WDR70: variants seen among roughly 807,000 people sequenced by gnomAD.
WDR70 encodes the protein WD repeat domain 70, also known as WD repeat-containing protein 70.
A neutral mutation model predicts 88.6 loss-of-function variants in WDR70; 53 were observed. The observed-to-expected ratio is 0.60, with a 90% CI of 0.48 to 0.75. WDR70 has a LOEUF of 0.75. WDR70 is among the 30% of genes least tolerant of loss of function. WDR70 has a pLI of 0.00. For missense variants in WDR70, 610 were observed against 823.2 expected (o/e 0.74, Z 3.17); for synonymous variants, 280 against 270.0 (o/e 1.04, Z -0.36).
chr5:37,506,537 T>G, intron 8 of WDR70: 1 of 771,398 alleles, frequency 1.3e-6, no homozygotes, highest in Non-Finnish European at 2.4e-6. Context: ...CTTTATTCGC[T>G]AAAGTGCTCC....
chr5:37,472,417 T>C (rs1362980974), intron 7 of WDR70, among the ~76,000 whole-genome samples: 1 of 152,076 alleles, frequency 6.6e-6, no homozygotes, highest in African/African-American at 2.4e-5. Context: ...CTCAATAAAA[T>C]GTTTATGACA....
chr5:37,584,417 T>C (rs898116049), intron 9 of WDR70, among the ~76,000 whole-genome samples: 2 of 152,240 alleles, frequency 1.3e-5, no homozygotes, highest in Non-Finnish European at 2.9e-5. Context: ...TCTAAAGTAA[T>C]ATTGACTTCA....
intron 14 of WDR70, chr5:37,721,905 A>G (rs1356677393): frequency 2.0e-5 from 3 of 152,174 alleles, no homozygotes; most frequent in Non-Finnish European, 2.9e-5. Flanking sequence ...TTGGTTAACT[A>G]GCATTAAAAT....
rs1287691337 is a variant in WDR70 at position 37,743,037 on chromosome 5, G to A, written c.1878-9449G>A. Reference sequence around the variant, plus strand: ...GCCAAGATGGCCAATTCAAAGCAGCGGTGTTCAGAGGCTCCCATTGGAAAA... The same window carrying A: ...GCCAAGATGGCCAATTCAAAGCAGCAGTGTTCAGAGGCTCCCATTGGAAAA... On this transcript the variant is annotated intron_variant, in intron 17 of 17. Coordinates refer to ENST00000265107, the MANE Select transcript of WDR70 (RefSeq NM_018034.4). 3.3e-5 allele frequency among the ~76,000 whole-genome samples: 5 copies of A among 152,324 alleles called. No individual in the cohort carries two copies. The East Asian group carries it at 5.8e-4, about 18-fold the overall frequency.
intron 9 of WDR70, among the ~76,000 whole-genome samples, chr5:37,564,230 G>C (rs1742660435): frequency 6.6e-6 from 1 of 151,986 alleles, no homozygotes; most frequent in Admixed American, 6.5e-5. Flanking sequence ...CTCCAGCCTG[G>C]GCACCATTGA....
At chr5:37,549,980 A>G (rs114646650) in intron 9 of WDR70, among the ~76,000 whole-genome samples, 1,907 of 151,872 alleles carry the variant, frequency 0.013, 43 homozygotes, top group African/African-American at 0.044. Context: ...TGGTGTCTCA[A>G]CTTCCCAAGT....
intron 9 of WDR70, among the ~76,000 whole-genome samples, chr5:37,518,843 C>T (rs867421643): frequency 6.6e-5 from 10 of 152,086 alleles, no homozygotes; most frequent in South Asian, 6.3e-4. Context: ...AGCCTTCCCA[C>T]GGTGTTTGTG....
chr5:37,408,361 C>T (rs1749419156), intron 5 of WDR70, among the ~76,000 whole-genome samples: 1 of 152,064 alleles, frequency 6.6e-6, no homozygotes, highest in Non-Finnish European at 1.5e-5. Flanking sequence ...GTAATCCCAG[C>T]TACTCAGGAG....
intron 8 of WDR70, among the ~76,000 whole-genome samples, chr5:37,495,632 A>G (rs1009134667): frequency 5.9e-5 from 9 of 152,188 alleles, no homozygotes; most frequent in African/African-American, 2.2e-4. Context: ...AAATAAAGGA[A>G]GAGATATTTT....
At chr5:37,731,946 G>A (rs1748157176) in intron 17 of WDR70, among the ~76,000 whole-genome samples, 1 of 151,556 alleles carries the variant, frequency 6.6e-6, no homozygotes, top group South Asian at 2.1e-4. Flanking sequence ...CAGACCAGGA[G>A]CCTGGCCTTA....
chr5:37,752,571 T>C lies in WDR70; in HGVS notation c.1963T>C (p.Ter655ArgextTer66). The part of the protein sequence containing the change: ...NEPEWKKRKI[*>R] ...GCCAGAATGGAAAAAACGTAAAATT[T>C]GAAGAATCTCATTTGAGAGCTGTTT... Residue 655 changes from the stop codon to arginine (R), a stop_lost, in exon 18 of 18, where the codon TGA becomes CGA. Transcript: ENST00000265107. 1 of 1,610,220 alleles carries C rather than the reference T, an allele frequency of 6.2e-7. No homozygotes were observed. The highest frequency in any genetic ancestry group is 8.5e-7 in the Non-Finnish European group (1 of 1,177,722).
chr5:37,471,985 G>A (rs1351340899), intron 7 of WDR70, among the ~76,000 whole-genome samples: 1 of 151,242 alleles, frequency 6.6e-6, no homozygotes, highest in Non-Finnish European at 1.5e-5. Flanking sequence ...AATGTCAGAG[G>A]GAAGGTTTTT....
At chr5:37,646,056 C>A (rs1745229085) in intron 10 of WDR70, among the ~76,000 whole-genome samples, 1 of 151,750 alleles carries the variant, frequency 6.6e-6, no homozygotes, top group Admixed American at 6.6e-5. Flanking sequence ...TTCCTTCTTT[C>A]TTTCTTTTAG....
In WDR70 at chr5:37,483,433, C is replaced by T. The variant is rs181699429; in HGVS notation, c.840+3446C>T. Among the ~76,000 whole-genome samples the T allele has an allele frequency of 1.4e-3, 219 of 152,288 alleles. 1 individual carries two copies. The highest frequency in any genetic ancestry group is 2.8e-3 in the Non-Finnish European group (189 of 68,034). ...CAGGGTTGGGGGTAAGGTCATAGAT[C>T]AATAGCATCCCAAAGCAGAAGAATT... is the stretch of plus-strand genomic sequence containing the variant. On this transcript the variant is annotated intron_variant, in intron 8 of 17. Coordinates refer to ENST00000265107, the MANE Select transcript of WDR70 (RefSeq NM_018034.4).
At position 37,427,398 on chromosome 5, in the gene WDR70, AAAT is replaced by A. The variant is rs1271857272; in HGVS notation, c.493-10521_493-10519del. Among the ~76,000 whole-genome samples, 8 of 10,140 alleles carry A rather than the reference AAAT, an allele frequency of 7.9e-4. No homozygotes were observed. In the Non-Finnish European group the frequency reaches 8.9e-3, roughly 11 times the overall value. 6.7% of individuals were successfully genotyped at this position (10,140 alleles called of 152,430 possible). A position where few individuals can be genotyped will look rare whatever the true frequency, so the allele number is the denominator to read the frequency against. ...AGCGAGACTCCATCTCAAAAATAAA[AAAT>A]AAAAAAAAAAAGAAACACGTCATTT... On this transcript the variant is annotated intron_variant, in intron 5 of 17. Coordinates refer to ENST00000265107, the MANE Select transcript of WDR70 (RefSeq NM_018034.4).
chr5:37,623,347 A>T lies in WDR70; in HGVS notation c.1092+18109A>T, dbSNP rs186017234. Among the ~76,000 whole-genome samples the T allele has an allele frequency of 1.1e-3, 161 of 152,258 alleles. 1 individual carries two copies. The highest frequency in any genetic ancestry group is 3.7e-3 in the African/African-American group (155 of 41,578). On this transcript the variant is annotated intron_variant, in intron 10 of 17. Transcript: ENST00000265107. ...GTGTGTTCTAAATATTGGTGATTGC[A>T]GTTTTCATTATTATCCTCAAACATA...
chr5:37,490,170 TG>T (rs1248006895), intron 8 of WDR70, among the ~76,000 whole-genome samples: 2 of 152,236 alleles, frequency 1.3e-5, no homozygotes, highest in Admixed American at 1.3e-4. Context: ...TAGAGAGCAC[TG>T]GGGTTGCTGG....
chr5:37,505,894 C>G, intron 8 of WDR70: 1 of 1,348,404 alleles, frequency 7.4e-7, no homozygotes, highest in Non-Finnish European at 1.1e-6. Context: ...AAGTTAATTC[C>G]TGTCATCTGA....
At chr5:37,485,362 A>C (rs766501756) in intron 8 of WDR70, among the ~76,000 whole-genome samples, 2 of 152,206 alleles carry the variant, frequency 1.3e-5, no homozygotes, top group African/African-American at 4.8e-5. Flanking sequence ...TAGAGTGTCA[A>C]AGAATTTCAG....
Sources: gnomAD v4.1 joint callset for allele counts (sites outside exome capture counted in the v4.1 genomes callset) on GRCh38, gnomAD v4.1.1 for gene constraint, MANE v1.5 for transcripts, NCBI Gene and HGNC (gene_info 2026-07-23, HGNC 2026-07-21) for gene names.